DYNC1H1: variants seen among roughly 807,000 people sequenced by gnomAD.
DYNC1H1 encodes cytoplasmic dynein 1 heavy chain 1.
In DYNC1H1, 51 loss-of-function variants were observed where a neutral mutation model predicts 527.1. The observed-to-expected ratio is 0.10, with a 90% CI of 0.08 to 0.12. The LOEUF is 0.12. DYNC1H1 is among the 10% of genes least tolerant of loss of function. DYNC1H1 has a pLI of 1.00. For synonymous variants in DYNC1H1, 2,189 were observed against 2,278.8 expected, an observed-to-expected ratio of 0.96 and a Z score of 1.12; for missense variants, 2,771 against 5,971.8, an observed-to-expected ratio of 0.46 and a Z score of 17.66.
chr14:101,998,881 T>TTC (rs1567004877), intron 16 of DYNC1H1, among the ~76,000 whole-genome samples: 1 of 133,034 alleles, frequency 7.5e-6, no homozygotes, highest in East Asian at 2.0e-4. Context: ...AACTTTTTCT[T>TTC]TTTTTTTTTT....
Position 102,051,706 on chromosome 14 carries a change from G to C in DYNC1H1, c.*1143G>C, listed in dbSNP as rs1293461646. On this transcript the variant is annotated 3_prime_UTR_variant, in exon 78 of 78. Transcript: ENST00000360184. Reference sequence around the variant, plus strand: ...ATCTCAGTGTCTTTATTTTATTTTTGAGATGGAGTTTCGCTCTTGTTGCCC... The same window carrying C: ...ATCTCAGTGTCTTTATTTTATTTTTCAGATGGAGTTTCGCTCTTGTTGCCC... 6.5e-6 allele frequency: 1 copy of C among 152,700 alleles called. No individual in the cohort carries two copies. Among genetic ancestry groups the C allele is most frequent in the Non-Finnish European group, 1.5e-5 (1 of 68,466 alleles). 9.5% of individuals were successfully genotyped at this position (152,700 alleles called of 1,614,324 possible).
chr14:102,024,464 TC>T, intron 43 of DYNC1H1, among the ~76,000 whole-genome samples: 1 of 152,256 alleles, frequency 6.6e-6, no homozygotes, highest in Non-Finnish European at 1.5e-5. Context: ...GCACTGGTCT[TC>T]GTGTGTTTAG....
intron 72 of DYNC1H1, among the ~76,000 whole-genome samples, chr14:102,045,873 A>C (rs1322608445): frequency 6.6e-6 from 1 of 152,060 alleles, no homozygotes; most frequent in African/African-American, 2.4e-5. Context: ...CTTCTTAGAA[A>C]TGCAGGTTCC....
chr14:101,979,736 C>T lies in DYNC1H1; in HGVS notation c.536C>T (p.Ala179Val). Residue 179 changes from alanine (A) to valine (V), a missense_variant, in exon 4 of 78, where the codon GCT becomes GTT. Around this residue, in one of 32 missense-constraint regions of DYNC1H1, gnomAD observed 146 missense variants for 288.1 expected, o/e 0.51. Coordinates refer to ENST00000360184, the MANE Select transcript of DYNC1H1 (RefSeq NM_001376.5). This position sits in a 1 kb window ranked among gnomAD's most constrained non-coding sequence, Gnocchi z 4.6. ...GKADRDGDKMAPSVEKKIAEL... is the reference protein window; with the variant it reads ...GKADRDGDKMVPSVEKKIAEL... ...GTTTTTAGGGATGGTGATAAAATGG[C>T]TCCTTCAGTTGAAAAGAAGATTGCA... 1 of 1,614,086 alleles carries T rather than the reference C, an allele frequency of 6.2e-7. No homozygotes were observed. Among genetic ancestry groups the T allele is most frequent in the Non-Finnish European group, 8.5e-7 (1 of 1,180,034 alleles).
Position 102,020,695 on chromosome 14 carries a change from C to G in DYNC1H1, c.8507+639C>G, listed in dbSNP as rs180670827. The stretch of plus-strand genomic sequence containing the variant: ...AAAAAATTGCTAACGGATGACTGAT[C>G]GGCATCAACTGTGGAAGGTTTTGTG... On this transcript the variant is annotated intron_variant, in intron 42 of 77. Transcript: ENST00000360184. This position sits in a 1 kb window ranked among gnomAD's most constrained non-coding sequence, Gnocchi z 4.3. Among the ~76,000 whole-genome samples the G allele has an allele frequency of 5.3e-5, 8 of 152,156 alleles. No individual in the cohort carries two copies. The highest frequency in any genetic ancestry group is 1.4e-4 in the African/African-American group (6 of 41,434).
At chr14:102,019,570 T>C (rs1018734649) in intron 41 of DYNC1H1, among the ~76,000 whole-genome samples, 8 of 152,264 alleles carry the variant, frequency 5.3e-5, no homozygotes, top group Non-Finnish European at 1.0e-4. Context: ...AATCTAACTT[T>C]GTTCTGGACA....
At chr14:102,021,656 CTT>C (rs757880988) in intron 42 of DYNC1H1, among the ~76,000 whole-genome samples, 2,512 of 119,716 alleles carry the variant, frequency 0.021, 24 homozygotes, top group Non-Finnish European at 0.03. Flanking sequence ...TTTTCTTTTT[CTT>C]TTTTTTTTTT....
In DYNC1H1 at chr14:101,987,654, C is replaced by T. The variant is rs1566999794; in HGVS notation, c.2718+22C>T. 6.2e-6 allele frequency: 10 copies of T among 1,613,846 alleles called. No homozygotes were observed. In the South Asian group the frequency reaches 1.1e-4, roughly 18 times the overall value. On this transcript the variant is annotated intron_variant, in intron 9 of 77. Coordinates refer to ENST00000360184, the MANE Select transcript of DYNC1H1 (RefSeq NM_001376.5). ...GGAGGTAAGGGATAGAATTTGCTAG[C>T]ATTTTCCTCCTTTTTCTTCTGCTGA...
chr14:102,033,767 C>T lies in DYNC1H1; in HGVS notation c.10414-209C>T. The T allele has an allele frequency of 2.9e-6, 2 of 693,944 alleles. No individual in the cohort carries two copies. The highest frequency in any genetic ancestry group is 4.9e-6 in the Non-Finnish European group (2 of 407,746). 43.0% of individuals were successfully genotyped at this position (693,944 alleles called of 1,614,324 possible). The stretch of plus-strand genomic sequence containing the variant: ...GCTGCCTGAGGGCCTCGCTCCGTAC[C>T]CAGCTTCTGCCCCGCTGAGATTCTG... On this transcript the variant is annotated intron_variant, in intron 54 of 77. Transcript: ENST00000360184. This position sits in a 1 kb window ranked among gnomAD's most constrained non-coding sequence, Gnocchi z 5.6.
intron 2 of DYNC1H1, among the ~76,000 whole-genome samples, chr14:101,977,326 C>T (rs1038951533): frequency 1.1e-4 from 16 of 152,096 alleles, no homozygotes; most frequent in Non-Finnish European, 2.1e-4. Flanking sequence ...TTTGAGTAAT[C>T]TCAGGTTACG....
At chr14:101,982,974 T>A in intron 5 of DYNC1H1, 45 bp from the exon 6 acceptor site, 1 of 1,608,488 alleles carries the variant, frequency 6.2e-7, no homozygotes, top group Middle Eastern at 1.7e-4. Context: ...TACTTAGTTT[T>A]GTTACTTTAT....
Position 102,042,562 on chromosome 14 carries a change from G to A in DYNC1H1, c.12399+55G>A. 1.2e-6 allele frequency: 2 copies of A among 1,613,724 alleles called. No homozygotes were observed. Among genetic ancestry groups the A allele is most frequent in the Non-Finnish European group, 1.7e-6 (2 of 1,179,850 alleles). ...AGGCTGGCCTGGCACTGTGCTGTCG[G>A]CACGTGTGTGGTGGAATTGAACAGG... is the stretch of plus-strand genomic sequence containing the variant. On this transcript the variant is annotated intron_variant, in intron 68 of 77. Transcript: ENST00000360184. The surrounding 1 kb of genome is among the most constrained non-coding windows in gnomAD (Gnocchi z 5.7).
chr14:101,973,470 A>T (rs958015420), intron 1 of DYNC1H1, among the ~76,000 whole-genome samples: 1 of 152,002 alleles, frequency 6.6e-6, no homozygotes, highest in African/African-American at 2.4e-5. Flanking sequence ...AGATAGACTA[A>T]TATTTTATAC....
In DYNC1H1 at chr14:101,997,079, G is replaced by A. The variant is rs765285256; in HGVS notation, c.3609G>A (p.Gln1203=). ...GQRLLEKQRF[Q]FPPSWLYIDN... is the part of the protein sequence containing the mutation. ...GCTTACTGGAAAAGCAAAGGTTCCAGTTCCCACCTTCCTGGCTTTATATTG... is the reference window on the plus strand; with the variant it reads ...GCTTACTGGAAAAGCAAAGGTTCCAATTCCCACCTTCCTGGCTTTATATTG... Residue 1203 remains glutamine, a synonymous_variant, in exon 16 of 78, where the codon CAG becomes CAA. Coordinates refer to ENST00000360184, the MANE Select transcript of DYNC1H1 (RefSeq NM_001376.5). The surrounding 1 kb of genome is among the most constrained non-coding windows in gnomAD (Gnocchi z 4.8). The A allele has an allele frequency of 6.2e-7, 1 of 1,614,204 alleles. No individual in the cohort carries two copies. The highest frequency in any genetic ancestry group is 1.1e-5 in the South Asian group (1 of 91,086).
Position 102,027,064 on chromosome 14 carries a change from T to C in DYNC1H1, c.8772-110T>C, listed in dbSNP as rs576030727. The C allele has an allele frequency of 1.2e-5, 15 of 1,261,940 alleles. No individual in the cohort carries two copies. The highest frequency in any genetic ancestry group is 2.5e-4 in the Middle Eastern group (1 of 3,982). 78.2% of individuals were successfully genotyped at this position (1,261,940 alleles called of 1,614,324 possible). ...ACAGTTGCTCAGCAAATGTTTAATA[T>C]ACAAGTTCAAGTTAAAACATGTCCA... On this transcript the variant is annotated intron_variant, in intron 44 of 77. Coordinates refer to ENST00000360184, the MANE Select transcript of DYNC1H1 (RefSeq NM_001376.5). The surrounding 1 kb of genome is among the most constrained non-coding windows in gnomAD (Gnocchi z 7.7).
chr14:102,045,503 C>G (rs978415634), intron 72 of DYNC1H1, among the ~76,000 whole-genome samples: 23 of 152,020 alleles, frequency 1.5e-4, no homozygotes, highest in African/African-American at 5.1e-4. Context: ...CCCAGCTACT[C>G]TGGAGGCTGA....
At chr14:102,046,425 G>C (rs973136748) in intron 72 of DYNC1H1, among the ~76,000 whole-genome samples, 3 of 151,276 alleles carry the variant, frequency 2.0e-5, no homozygotes, top group Non-Finnish European at 2.9e-5. Context: ...GATAAGCCAG[G>C]CGAGCTGGGC....
Position 102,036,310 on chromosome 14 carries a change from T to A in DYNC1H1, c.10755-179T>A, listed in dbSNP as rs1567020210. 1 of 694,182 alleles carries A rather than the reference T, an allele frequency of 1.4e-6. No individual in the cohort carries two copies. Among genetic ancestry groups the A allele is most frequent in the Non-Finnish European group, 2.5e-6 (1 of 398,268 alleles). 43.0% of individuals were successfully genotyped at this position (694,182 alleles called of 1,614,324 possible). A position where few individuals can be genotyped will look rare whatever the true frequency, so the allele number is the denominator to read the frequency against. ...CCAATAGTTGTTCAAAAGGATGAGGTGATGTTAGCATTAAGCATGTAAGCT... is the reference window on the plus strand; with the variant it reads ...CCAATAGTTGTTCAAAAGGATGAGGAGATGTTAGCATTAAGCATGTAAGCT... On this transcript the variant is annotated intron_variant, in intron 56 of 77. Coordinates refer to ENST00000360184, the MANE Select transcript of DYNC1H1 (RefSeq NM_001376.5). This position sits in a 1 kb window ranked among gnomAD's most constrained non-coding sequence, Gnocchi z 5.6.
rs369930192 is a variant in DYNC1H1 at position 101,977,307 on chromosome 14, T to G, written c.344+1508T>G. On this transcript the variant is annotated intron_variant, in intron 2 of 77. Coordinates refer to ENST00000360184, the MANE Select transcript of DYNC1H1 (RefSeq NM_001376.5). The stretch of plus-strand genomic sequence containing the variant: ...TGTCATAATGGATTCCGCATTTTTT[T>G]AAGCTTATTTTGAGTAATCTCAGGT... 6.6e-5 allele frequency among the ~76,000 whole-genome samples: 10 copies of G among 152,358 alleles called. No individual in the cohort carries two copies. In the East Asian group the frequency reaches 1.7e-3, roughly 26 times the overall value.
Sources: gnomAD v4.1 joint callset for allele counts (sites outside exome capture counted in the v4.1 genomes callset) on GRCh38, gnomAD v4.1.1 for gene constraint, gnomAD v4.1.1 regional missense constraint, Gnocchi (gnomAD v3.1) non-coding constraint, MANE v1.5 for transcripts, NCBI Gene and HGNC (gene_info 2026-07-23, HGNC 2026-07-21) for gene names.